The following HDGFL2 variants were observed in gnomAD, a reference collection of about 807,000 sequenced individuals.
The protein encoded by HDGFL2 is HDGF like 2.
A neutral mutation model predicts 77.1 loss-of-function variants in HDGFL2; 36 were observed. The observed-to-expected ratio is 0.47, with a 90% CI of 0.36 to 0.62. HDGFL2 has a LOEUF of 0.62. HDGFL2 is among the 20% of genes least tolerant of loss of function. The pLI, the probability that HDGFL2 is intolerant of heterozygous loss-of-function variation, is 0.00. For synonymous variants in HDGFL2, 463 were observed against 413.1 expected, an observed-to-expected ratio of 1.12 and a Z score of -1.46; for missense variants, 976 against 973.4, an observed-to-expected ratio of 1.00 and a Z score of -0.04.
chr19:4,501,475 C>T (rs1426690647), intron 15 of HDGFL2, 158 bp downstream of exon 15: 5 of 852,688 alleles, frequency 5.9e-6, no homozygotes, highest in Non-Finnish European at 8.4e-6. Context: ...ACCCCAGGGC[C>T]CCGCTGGCTG....
intron 11 of HDGFL2, 40 bp downstream of exon 11, chr19:4,498,071 C>T (rs898133842): frequency 6.6e-7 from 1 of 1,512,628 alleles, no homozygotes; most frequent in African/African-American, 1.4e-5. Context: ...ACTGAGTTCA[C>T]TGAGGGGAAC....
At chr19:4,477,941 G>A (rs550896236) in intron 3 of HDGFL2, among the ~76,000 whole-genome samples, 10 of 151,976 alleles carry the variant, frequency 6.6e-5, no homozygotes, top group African/African-American at 1.7e-4. Context: ...TTAGCTGGGC[G>A]TGGTGGCAGG....
intron 10 of HDGFL2, 105 bp downstream of exon 10, chr19:4,496,510 G>C (rs1468700764): frequency 1.2e-6 from 1 of 850,938 alleles, no homozygotes; most frequent in African/African-American, 1.7e-5. Context: ...TTCAGCCTTG[G>C]AGCCGGACCC....
chr19:4,496,248 T>C, intron 9 of HDGFL2, 54 bp from the exon 10 acceptor site: 1 of 1,431,352 alleles, frequency 7.0e-7, no homozygotes, highest in East Asian at 2.3e-5. Context: ...GGGCTAGGGG[T>C]CTGGGTAATC....
chr19:4,493,763 CCGGTGGCCATGGCGCGGT>C lies in HDGFL2; in HGVS notation c.743_760del (p.Val248_Ser253del). ...CGATTCGGACGGGGCCAAGCCTGAGCCGGTGGCCATGGCGCGGTCGGCGTCCTCCTCCTCCTCTTCCTC... is the reference window on the plus strand; with the variant it reads ...CGATTCGGACGGGGCCAAGCCTGAGCCGGCGTCCTCCTCCTCCTCTTCCTC... On this transcript the variant is annotated inframe_deletion, in exon 7 of 16. Coordinates refer to ENST00000616600, the MANE Select transcript of HDGFL2 (RefSeq NM_001001520.3). 1.3e-6 allele frequency: 2 copies of C among 1,542,602 alleles called. No individual in the cohort carries two copies. Among genetic ancestry groups the C allele is most frequent in the Non-Finnish European group, 1.8e-6 (2 of 1,140,902 alleles).
intron 15 of HDGFL2, 133 bp downstream of exon 15, chr19:4,501,450 C>T: frequency 9.1e-7 from 1 of 1,094,248 alleles, no homozygotes; most frequent in Non-Finnish European, 1.2e-6. Flanking sequence ...CTCGGGCCTC[C>T]CACCTTCACA....
intron 1 of HDGFL2, among the ~76,000 whole-genome samples, chr19:4,473,769 C>T (rs1400202962): frequency 6.6e-6 from 1 of 151,780 alleles, no homozygotes; most frequent in Non-Finnish European, 1.5e-5. Context: ...ATGAAGTTGG[C>T]ATCGGGACTG....
chr19:4,498,977 C>A, intron 13 of HDGFL2, 62 bp downstream of exon 13: 1 of 1,212,648 alleles, frequency 8.2e-7, no homozygotes, highest in Non-Finnish European at 1.2e-6. Flanking sequence ...AGTGCCTGCC[C>A]GGGAGCCCAG....
intron 14 of HDGFL2, 99 bp from the exon 15 acceptor site, chr19:4,501,092 G>T: frequency 4.7e-6 from 7 of 1,480,854 alleles, no homozygotes; most frequent in Non-Finnish European, 6.4e-6. Context: ...GTCACCCACG[G>T]CGCTCAGCTT....
At chr19:4,489,862 C>T (rs1281934273) in intron 4 of HDGFL2, among the ~76,000 whole-genome samples, 4 of 152,130 alleles carry the variant, frequency 2.6e-5, no homozygotes, top group African/African-American at 7.2e-5. Context: ...AGGAGATTTC[C>T]GTCACCCCAA....
At chr19:4,493,639 C>T in intron 6 of HDGFL2, 64 bp from the exon 7 acceptor site, 2 of 1,372,294 alleles carry the variant, frequency 1.5e-6, no homozygotes, top group Non-Finnish European at 1.9e-6. Flanking sequence ...CTCCTCTGGC[C>T]TGGTGCGCCC....
chr19:4,478,720 C>A lies in HDGFL2; in HGVS notation c.288+3137C>A, dbSNP rs536594554. Among the ~76,000 whole-genome samples the A allele has an allele frequency of 2.0e-5, 3 of 151,524 alleles. No individual in the cohort carries two copies. In the East Asian group the frequency reaches 5.9e-4, roughly 30 times the overall value. On this transcript the variant is annotated intron_variant, in intron 3 of 15. Transcript: ENST00000616600. ...TTTTTCAGACGGTGTCTCACTCTCT[C>A]GCCCAGGCTGGAGTGCAGTGGTGCG...
chr19:4,484,834 G>A (rs866706100), intron 3 of HDGFL2, among the ~76,000 whole-genome samples: 84 of 152,076 alleles, frequency 5.5e-4, no homozygotes, highest in Non-Finnish European at 9.0e-4. Flanking sequence ...ACCATGCCCA[G>A]CTAATTTTTT....
chr19:4,482,172 A>G (rs925424932), intron 3 of HDGFL2, among the ~76,000 whole-genome samples: 2 of 147,928 alleles, frequency 1.4e-5, no homozygotes, highest in African/African-American at 5.0e-5. Flanking sequence ...TGCTGGAATT[A>G]CAAGTGTGGC....
At chr19:4,491,249 A>ACACCCCCCCCCCCCCCC (rs1975499281) in intron 4 of HDGFL2, among the ~76,000 whole-genome samples, 1 of 39,474 alleles carries the variant, frequency 2.5e-5, no homozygotes, top group African/African-American at 1.0e-4. Flanking sequence ...CACTCCCACC[A>ACACCCCCCCCCCCCCCC]CCCACCCCCC....
Position 4,494,418 on chromosome 19 carries a change from G to C in HDGFL2, c.1167G>C (p.Arg389=). The C allele has an allele frequency of 7.1e-7, 1 of 1,408,430 alleles. No individual in the cohort carries two copies. Among genetic ancestry groups the C allele is most frequent in the Non-Finnish European group, 9.2e-7 (1 of 1,086,354 alleles). 87.2% of individuals were successfully genotyped at this position (1,408,430 alleles called of 1,614,324 possible). A position where few individuals can be genotyped will look rare whatever the true frequency, so the allele number is the denominator to read the frequency against. The stretch of plus-strand genomic sequence containing the variant: ...TCAAGAAGCGGGGACGCAAGGGCCG[G>C]GGCCGGGGTCCCCCGTCCTCCTCTG... ...EPVKKRGRKG[R]GRGPPSSSDS... The change falls in exon 9 of 16, where the codon CGG becomes CGC. Residue 389 remains arginine, a synonymous_variant. Transcript: ENST00000616600.
Position 4,493,794 on chromosome 19 carries a change from C to A in HDGFL2, c.770C>A (p.Ser257Tyr). The change falls in exon 7 of 16, where the codon TCC becomes TAC. Residue 257 changes from serine to tyrosine, a missense_variant. By Grantham distance (144) the Ser-to-Tyr change is moderately radical (BLOSUM62 -2). Transcript: ENST00000616600. ...GCCATGGCGCGGTCGGCGTCCTCCT[C>A]CTCCTCTTCCTCCTCCTCCTCCGAC... ...PVAMARSASS[S>Y]SSSSSSSDSD... is the part of the protein sequence containing the mutation. 6.5e-7 allele frequency: 1 copy of A among 1,542,852 alleles called. No homozygotes were observed. The highest frequency in any genetic ancestry group is 8.8e-7 in the Non-Finnish European group (1 of 1,141,244).
chr19:4,496,597 C>T (rs1382462448), intron 10 of HDGFL2, among the ~76,000 whole-genome samples, 192 bp downstream of exon 10: 1 of 152,154 alleles, frequency 6.6e-6, no homozygotes, highest in Non-Finnish European at 1.5e-5. Flanking sequence ...TTGCCCAGCC[C>T]AGGGGTCTCC....
intron 10 of HDGFL2, 88 bp from the exon 11 acceptor site, chr19:4,497,870 T>G: frequency 8.6e-7 from 1 of 1,166,834 alleles, no homozygotes; most frequent in Non-Finnish European, 1.2e-6. Context: ...TCCTTTGCAG[T>G]GGGTTTGGGT....
Sources: allele counts gnomAD v4.1 joint callset (sites outside exome capture counted in the v4.1 genomes callset), GRCh38; gene constraint gnomAD v4.1.1; transcripts MANE v1.5; gene names NCBI Gene and HGNC (gene_info 2026-07-23, HGNC 2026-07-21).